Variants in ENOX1 observed in about 807,000 individuals in gnomAD.
ENOX1 encodes ecto-NOX disulfide-thiol exchanger 1, also known as candidate growth-related and time keeping constitutive hydroquinone (NADH) oxidase.
In ENOX1, 42 loss-of-function variants were observed where a neutral mutation model predicts 82.5. The ratio of observed to expected loss-of-function variants is 0.51; its 90% CI spans 0.40 to 0.66. The LOEUF (loss-of-function observed/expected upper bound fraction) is 0.66, where lower values mean the gene tolerates loss of function less well. Among genes scored for constraint, ENOX1 ranks in the 30% least tolerant of loss-of-function variants. ENOX1 has a pLI of 0.00. For synonymous variants in ENOX1, 271 were observed against 282.2 expected, an observed-to-expected ratio of 0.96 and a Z score of 0.40; for missense variants, 608 against 811.6, an observed-to-expected ratio of 0.75 and a Z score of 3.05.
intron 2 of ENOX1, among the ~76,000 whole-genome samples, chr13:43,485,421 G>A (rs2076379243): frequency 6.6e-6 from 1 of 152,182 alleles, no homozygotes. Context: ...AAGTCCCTTA[G>A]AGAGACTAGA....
chr13:43,441,305 C>G (rs1263244728), intron 3 of ENOX1, among the ~76,000 whole-genome samples: 1 of 152,166 alleles, frequency 6.6e-6, no homozygotes, highest in African/African-American at 2.4e-5. Context: ...ACTAATGACT[C>G]CAGTTAACTG....
chr13:43,352,363 CT>C (rs2049862223), intron 8 of ENOX1, among the ~76,000 whole-genome samples: 1 of 152,220 alleles, frequency 6.6e-6, no homozygotes, highest in Non-Finnish European at 1.5e-5. Context: ...TTTAAATGCT[CT>C]TGCCAAGAGA....
chr13:43,630,860 T>TATAC lies in ENOX1; in HGVS notation c.-219+36618_-219+36619insGTAT, dbSNP rs34023929. On this transcript the variant is annotated intron_variant, in intron 2 of 16. Coordinates refer to ENST00000690772, the MANE Select transcript of ENOX1 (RefSeq NM_001347969.2). ...CCACACACACACATATATATATATA[T>TATAC]ACACACACACACACATATATATACA... Among the ~76,000 whole-genome samples, 939 of 147,792 alleles carry TATAC rather than the reference T, an allele frequency of 6.4e-3. 7 individuals carry two copies. The highest frequency in any genetic ancestry group is 0.023 in the African/African-American group (907 of 39,968).
chr13:43,722,129 G>A (rs1447353821), intron 1 of ENOX1, among the ~76,000 whole-genome samples: 1 of 152,184 alleles, frequency 6.6e-6, no homozygotes, highest in African/African-American at 2.4e-5. Flanking sequence ...GTGATCCTCA[G>A]TGTTCTTTTT....
At chr13:43,749,052 CAGGTG>C (rs1375932543) in intron 1 of ENOX1, among the ~76,000 whole-genome samples, 1 of 152,150 alleles carries the variant, frequency 6.6e-6, no homozygotes, top group Non-Finnish European at 1.5e-5. Flanking sequence ...TTAGTAACCA[CAGGTG>C]AAGCACATTA....
At chr13:43,550,206 A>C (rs11838371) in intron 2 of ENOX1, among the ~76,000 whole-genome samples, 2,241 of 152,260 alleles carry the variant, frequency 0.015, 58 homozygotes, top group African/African-American at 0.051. Flanking sequence ...ACAGGCCACA[A>C]ACTGGTATTG....
intron 12 of ENOX1, among the ~76,000 whole-genome samples, chr13:43,293,248 G>A (rs118121678): frequency 0.017 from 2,619 of 151,708 alleles, 41 homozygotes; most frequent in Non-Finnish European, 0.026. Flanking sequence ...TACAGTCACC[G>A]TCACTACCAC....
At chr13:43,579,400 C>T (rs17064733) in intron 2 of ENOX1, among the ~76,000 whole-genome samples, 5,216 of 152,278 alleles carry the variant, frequency 0.034, 259 homozygotes, top group African/African-American at 0.11. Flanking sequence ...TCCCTTTCTA[C>T]TCTTGCAGTG....
intron 2 of ENOX1, among the ~76,000 whole-genome samples, chr13:43,652,301 G>A (rs941164905): frequency 1.3e-5 from 2 of 152,154 alleles, no homozygotes; most frequent in African/African-American, 4.8e-5. Flanking sequence ...TTGAGCCCTT[G>A]ACCAGGCTTC....
intron 15 of ENOX1, among the ~76,000 whole-genome samples, chr13:43,233,312 T>C (rs971686521): frequency 6.6e-6 from 1 of 152,226 alleles, no homozygotes; most frequent in Non-Finnish European, 1.5e-5. Context: ...TCTTCTTTAG[T>C]TGAATTGGAA....
chr13:43,762,728 C>T (rs1202759458), intron 1 of ENOX1, among the ~76,000 whole-genome samples: 1 of 152,172 alleles, frequency 6.6e-6, no homozygotes, highest in East Asian at 1.9e-4. Flanking sequence ...ATATTTACTT[C>T]TTACTATTGA....
At chr13:43,619,770 T>A (rs2082643167) in intron 2 of ENOX1, among the ~76,000 whole-genome samples, 1 of 152,170 alleles carries the variant, frequency 6.6e-6, no homozygotes, top group Non-Finnish European at 1.5e-5. Flanking sequence ...CTTCACAGAA[T>A]GAATTAGGGA....
Position 43,432,343 on chromosome 13 carries a change from A to G in ENOX1, c.-74-19355T>C, listed in dbSNP as rs980536994. Reference sequence around the variant, plus strand: ...CAGAAGTTATGATTTTTCTGGACTCATAAGAAATAAAATCAGGCAGGGTAC... The same window carrying G: ...CAGAAGTTATGATTTTTCTGGACTCGTAAGAAATAAAATCAGGCAGGGTAC... On this transcript the variant is annotated intron_variant, in intron 3 of 16. Transcript: ENST00000690772. Among the ~76,000 whole-genome samples, 12 of 152,300 alleles carry G rather than the reference A, an allele frequency of 7.9e-5. No homozygotes were observed. In the East Asian group the frequency reaches 1.9e-3, roughly 25 times the overall value.
At chr13:43,305,993 G>A (rs543568802) in intron 11 of ENOX1, among the ~76,000 whole-genome samples, 2 of 152,304 alleles carry the variant, frequency 1.3e-5, no homozygotes, top group African/African-American at 2.4e-5. Context: ...CAGCCCAGCC[G>A]CAGGAAGAGC....
chr13:43,511,525 G>A (rs187032863), intron 2 of ENOX1, among the ~76,000 whole-genome samples: 4 of 152,130 alleles, frequency 2.6e-5, no homozygotes, highest in East Asian at 3.9e-4. Flanking sequence ...AAAGGCAAAC[G>A]CCAAAATGAA....
chr13:43,603,129 G>A (rs758007174), intron 2 of ENOX1, among the ~76,000 whole-genome samples: 2 of 152,048 alleles, frequency 1.3e-5, no homozygotes, highest in Non-Finnish European at 2.9e-5. Context: ...AAACGTGTAA[G>A]ACTTTGGAAA....
chr13:43,298,301 A>ATATC (rs2046385690), intron 12 of ENOX1, 45 bp downstream of exon 12: 1 of 1,515,172 alleles, frequency 6.6e-7, no homozygotes, highest in African/African-American at 1.6e-5. Context: ...TTTAATACAC[A>ATATC]TATCTCTTTC....
At chr13:43,392,539 A>C (rs2052854154) in intron 5 of ENOX1, among the ~76,000 whole-genome samples, 1 of 152,022 alleles carries the variant, frequency 6.6e-6, no homozygotes, top group Non-Finnish European at 1.5e-5. Context: ...AATATAAATA[A>C]AAAAAATTAG....
Position 43,602,625 on chromosome 13 carries a change from A to G in ENOX1, c.-219+64854T>C, listed in dbSNP as rs540380358. 9.9e-5 allele frequency among the ~76,000 whole-genome samples: 15 copies of G among 152,256 alleles called. No homozygotes were observed. In the East Asian group the frequency reaches 2.5e-3, roughly 25 times the overall value. On this transcript the variant is annotated intron_variant, in intron 2 of 16. Coordinates refer to ENST00000690772, the MANE Select transcript of ENOX1 (RefSeq NM_001347969.2). ...ATTGGACTAACCATTCTAATCCACA[A>G]TTTGACAATAAATATAAAAGCCTTA... is the stretch of plus-strand genomic sequence containing the variant.
Sources: allele counts gnomAD v4.1 joint callset (sites outside exome capture counted in the v4.1 genomes callset), GRCh38; gene constraint gnomAD v4.1.1; transcripts MANE v1.5; gene names NCBI Gene and HGNC (gene_info 2026-07-23, HGNC 2026-07-21).